The following STXBP6 variants were observed in gnomAD, a reference collection of about 807,000 sequenced individuals.
STXBP6 encodes the protein syntaxin-binding protein 6.
Under a neutral mutation model 26.9 loss-of-function variants are expected in STXBP6, and 21 were observed. That is an observed-to-expected ratio of 0.78 (90% CI 0.55 to 1.12). STXBP6 has a LOEUF of 1.12. Ranked by LOEUF, STXBP6 falls within the 50% of genes most tolerant of loss-of-function variation. STXBP6 has a pLI of 0.00. For missense variants in STXBP6, 232 were observed against 257.9 expected, an observed-to-expected ratio of 0.90 and a Z score of 0.69; for synonymous variants, 97 against 92.6, an observed-to-expected ratio of 1.05 and a Z score of -0.27.
intron 4 of STXBP6, 166 bp from the exon 5 acceptor site, chr14:24,819,360 T>C: frequency 1.3e-6 from 1 of 762,518 alleles, no homozygotes; most frequent in Non-Finnish European, 2.2e-6. Flanking sequence ...TGGGTTTGAC[T>C]GACGCACTTG....
At chr14:25,006,014 T>G (rs1451576591) in intron 1 of STXBP6, among the ~76,000 whole-genome samples, 1 of 152,184 alleles carries the variant, frequency 6.6e-6, no homozygotes. Flanking sequence ...GTTCAGAACT[T>G]CAACATTCAG....
intron 1 of STXBP6, among the ~76,000 whole-genome samples, chr14:25,024,631 G>T (rs1373773374): frequency 6.6e-6 from 1 of 152,062 alleles, no homozygotes; most frequent in East Asian, 1.9e-4. Context: ...AATTGACATG[G>T]ATTCTAATAC....
chr14:24,935,324 T>C lies in STXBP6; in HGVS notation c.154+39341A>G, dbSNP rs181935635. 3.9e-5 allele frequency among the ~76,000 whole-genome samples: 6 copies of C among 152,076 alleles called. No individual in the cohort carries two copies. The East Asian group carries it at 1.2e-3, about 29-fold the overall frequency. ...ATAGAAAGAAACAAATTTGAGGCAA[T>C]GAAGGAAAAGCTAGAAAATAAAGTT... On this transcript the variant is annotated intron_variant, in intron 2 of 5. Transcript: ENST00000323944.
At chr14:24,988,755 C>T (rs1168184128) in intron 1 of STXBP6, among the ~76,000 whole-genome samples, 1 of 152,154 alleles carries the variant, frequency 6.6e-6, no homozygotes, top group Admixed American at 6.5e-5. Flanking sequence ...AGAGAATACT[C>T]TGCAGGGAAC....
At chr14:24,866,733 T>C (rs1324615795) in intron 2 of STXBP6, among the ~76,000 whole-genome samples, 1 of 151,310 alleles carries the variant, frequency 6.6e-6, no homozygotes, top group Non-Finnish European at 1.5e-5. Context: ...AAACAAACCA[T>C]GGTATGTCTG....
chr14:24,907,137 G>A (rs1411447628), intron 2 of STXBP6, among the ~76,000 whole-genome samples: 1 of 152,102 alleles, frequency 6.6e-6, no homozygotes, highest in African/African-American at 2.4e-5. Context: ...AATAATTTAT[G>A]TATATTTCAA....
chr14:24,838,302 TGCCCAGCAA>T (rs2068682516), intron 4 of STXBP6, among the ~76,000 whole-genome samples: 1 of 152,214 alleles, frequency 6.6e-6, no homozygotes, highest in African/African-American at 2.4e-5. Context: ...TGTGTCACTA[TGCCCAGCAA>T]GCTTCACTGG....
intron 1 of STXBP6, among the ~76,000 whole-genome samples, chr14:25,015,352 T>C (rs1259624881): frequency 6.6e-6 from 1 of 152,106 alleles, no homozygotes; most frequent in Non-Finnish European, 1.5e-5. Context: ...TGCACTCCTC[T>C]ATACCCCCTG....
intron 4 of STXBP6, among the ~76,000 whole-genome samples, chr14:24,853,944 A>T (rs1436959937): frequency 6.6e-6 from 1 of 152,106 alleles, no homozygotes; most frequent in Non-Finnish European, 1.5e-5. Flanking sequence ...CAAATTAGAG[A>T]TCTATCAGTC....
At chr14:24,870,874 G>A (rs976790295) in intron 2 of STXBP6, among the ~76,000 whole-genome samples, 37 of 152,080 alleles carry the variant, frequency 2.4e-4, no homozygotes, top group African/African-American at 8.7e-4. Context: ...ACAAAAATAC[G>A]AAACACAACA....
intron 2 of STXBP6, among the ~76,000 whole-genome samples, chr14:24,889,956 C>T (rs984098282): frequency 6.6e-6 from 1 of 152,242 alleles, no homozygotes; most frequent in African/African-American, 2.4e-5. Flanking sequence ...GGAGCTTCAC[C>T]TCTTCTAACA....
chr14:24,870,900 T>G (rs1166037990), intron 2 of STXBP6, among the ~76,000 whole-genome samples: 1 of 152,152 alleles, frequency 6.6e-6, no homozygotes, highest in African/African-American at 2.4e-5. Context: ...ACATTCAGAG[T>G]TGGACTGGTC....
chr14:24,931,371 A>G (rs1315644708), intron 2 of STXBP6, among the ~76,000 whole-genome samples: 2 of 152,084 alleles, frequency 1.3e-5, no homozygotes, highest in East Asian at 3.9e-4. Flanking sequence ...TGTACCCTAG[A>G]ACTTAAAGCA....
At position 24,984,057 on chromosome 14, in the gene STXBP6, C is replaced by A. The variant is rs569492535; in HGVS notation, c.-32-9207G>T. ...GATCATCCTGGCCAACATGATGAAA[C>A]CCTGTCTCTAGTAAAAATACAAAAA... On this transcript the variant is annotated intron_variant, in intron 1 of 5. Coordinates refer to ENST00000323944, the MANE Select transcript of STXBP6 (RefSeq NM_001394410.1). Among the ~76,000 whole-genome samples the A allele has an allele frequency of 6.0e-4, 92 of 152,260 alleles. 1 individual carries two copies. The highest frequency in any genetic ancestry group is 2.1e-3 in the African/African-American group (87 of 41,572).
chr14:24,942,122 G>C (rs1436945957), intron 2 of STXBP6, among the ~76,000 whole-genome samples: 3 of 152,202 alleles, frequency 2.0e-5, no homozygotes, highest in Non-Finnish European at 4.4e-5. Context: ...TGAAATTGTA[G>C]GATGGAATTT....
intron 2 of STXBP6, among the ~76,000 whole-genome samples, chr14:24,892,539 C>A (rs1047013551): frequency 2.0e-5 from 3 of 152,038 alleles, no homozygotes; most frequent in Admixed American, 1.3e-4. Flanking sequence ...CCAACCACAC[C>A]CCTTGGTTTG....
chr14:24,870,066 G>T (rs556963313), intron 2 of STXBP6, among the ~76,000 whole-genome samples: 1 of 152,078 alleles, frequency 6.6e-6, no homozygotes, highest in Admixed American at 6.6e-5. Flanking sequence ...TTTGTGTCAG[G>T]CAGATAATAA....
chr14:24,882,395 A>AAAAAAAAAAAAC, intron 2 of STXBP6, among the ~76,000 whole-genome samples: 1 of 141,866 alleles, frequency 7.0e-6, no homozygotes, highest in East Asian at 2.0e-4. Context: ...AAAAAAAAAA[A>AAAAAAAAAAAAC]AAAAAAAAAA....
chr14:24,978,115 G>T (rs1017379421), intron 1 of STXBP6, among the ~76,000 whole-genome samples: 1 of 152,168 alleles, frequency 6.6e-6, no homozygotes, highest in Admixed American at 6.5e-5. Context: ...AAGTAAAAGG[G>T]GTACTGTCAT....
Sources: gnomAD v4.1 joint callset for allele counts (sites outside exome capture counted in the v4.1 genomes callset) on GRCh38, gnomAD v4.1.1 for gene constraint, MANE v1.5 for transcripts, NCBI Gene and HGNC (gene_info 2026-07-23, HGNC 2026-07-21) for gene names.